CTIF: variants seen among roughly 807,000 people sequenced by gnomAD.
CTIF encodes cap binding complex dependent translation initiation factor.
Under a neutral mutation model 66.0 loss-of-function variants are expected in CTIF, and 21 were observed. The ratio of observed to expected loss-of-function variants is 0.32; its 90% confidence interval spans 0.23 to 0.46. The LOEUF is 0.46. Among genes scored for constraint, CTIF ranks in the 20% least tolerant of loss-of-function variants. CTIF has a pLI of 1.00. For missense variants in CTIF, 739 were observed against 812.7 expected (o/e 0.91, Z 1.10); for synonymous variants, 345 against 326.4 (o/e 1.06, Z -0.62).
Position 48,824,677 on chromosome 18 carries a change from G to A in CTIF, c.1527+7301G>A, listed in dbSNP as rs140928410. 4.4e-3 allele frequency among the ~76,000 whole-genome samples: 662 copies of A among 149,776 alleles called. 6 individuals carry two copies. The highest frequency in any genetic ancestry group is 0.015 in the African/African-American group (629 of 40,612). ...TCTGAGACAGAGTTTCACTCTTGTC[G>A]CCCAGGCTGGAGTGCAGTGGTGCAA... is the stretch of plus-strand genomic sequence containing the variant. On this transcript the variant is annotated intron_variant, in intron 10 of 11. Transcript: ENST00000256413.
intron 7 of CTIF, among the ~76,000 whole-genome samples, chr18:48,725,506 A>G (rs1014242023): frequency 1.3e-5 from 2 of 152,132 alleles, no homozygotes; most frequent in African/African-American, 2.4e-5. Context: ...GCAGTCAAGG[A>G]CAGCCACCTT....
chr18:48,586,245 A>G (rs752671444), intron 1 of CTIF, among the ~76,000 whole-genome samples: 1 of 151,734 alleles, frequency 6.6e-6, no homozygotes, highest in African/African-American at 2.4e-5. Flanking sequence ...TTCCCCAACA[A>G]TGGCGATCAG....
At chr18:48,840,347 C>G (rs969315079) in intron 10 of CTIF, among the ~76,000 whole-genome samples, 3 of 152,010 alleles carry the variant, frequency 2.0e-5, no homozygotes, top group African/African-American at 4.8e-5. Flanking sequence ...AGGCTAAGCC[C>G]TCATCCCCAT....
At chr18:48,784,347 A>G (rs1599037873) in intron 9 of CTIF, among the ~76,000 whole-genome samples, 2 of 152,272 alleles carry the variant, frequency 1.3e-5, no homozygotes, top group African/African-American at 4.8e-5. Context: ...GAGCATGAGC[A>G]GAGGCAAGAA....
At chr18:48,822,508 A>T (rs2068505418) in intron 10 of CTIF, among the ~76,000 whole-genome samples, 1 of 25,682 alleles carries the variant, frequency 3.9e-5, no homozygotes, top group Non-Finnish European at 8.8e-5. Flanking sequence ...CACCCCCAAC[A>T]CACACACACA....
At chr18:48,775,937 T>C (rs530134997) in intron 9 of CTIF, among the ~76,000 whole-genome samples, 30 of 152,308 alleles carry the variant, frequency 2.0e-4, no homozygotes, top group African/African-American at 6.7e-4. Context: ...GTAACCACAC[T>C]GGCCCGTTCA....
At chr18:48,815,842 AC>A (rs2068351579) in intron 9 of CTIF, among the ~76,000 whole-genome samples, 1 of 151,526 alleles carries the variant, frequency 6.6e-6, no homozygotes, top group African/African-American at 2.4e-5. Context: ...ACATTCTACA[AC>A]CTGTCTTCCC....
chr18:48,717,678 A>G (rs1210705441), intron 7 of CTIF, among the ~76,000 whole-genome samples: 1 of 152,146 alleles, frequency 6.6e-6, no homozygotes, highest in Non-Finnish European at 1.5e-5. Context: ...AATTTAAAGA[A>G]TAAGGCAGGT....
intron 7 of CTIF, among the ~76,000 whole-genome samples, chr18:48,729,582 C>T (rs1223079726): frequency 2.6e-5 from 4 of 152,160 alleles, no homozygotes; most frequent in African/African-American, 4.8e-5. Flanking sequence ...AAAGGTGATG[C>T]GATTTACTCC....
intron 9 of CTIF, among the ~76,000 whole-genome samples, chr18:48,795,882 G>A (rs570862648): frequency 1.8e-4 from 27 of 152,242 alleles, no homozygotes; most frequent in Admixed American, 1.5e-3. Flanking sequence ...TGGGAAAGCC[G>A]AGCCACCTGG....
At chr18:48,708,662 G>C (rs922733987) in intron 6 of CTIF, among the ~76,000 whole-genome samples, 2 of 152,178 alleles carry the variant, frequency 1.3e-5, no homozygotes, top group African/African-American at 4.8e-5. Context: ...AGGGTGCAAG[G>C]CTTTGTTCTG....
intron 1 of CTIF, among the ~76,000 whole-genome samples, chr18:48,548,063 T>A (rs907910840): frequency 6.6e-6 from 1 of 152,176 alleles, no homozygotes; most frequent in Non-Finnish European, 1.5e-5. Context: ...TCTGTGTGCC[T>A]CGCTAAATGA....
chr18:48,697,190 T>A (rs1469655492), intron 6 of CTIF, among the ~76,000 whole-genome samples: 2 of 152,232 alleles, frequency 1.3e-5, no homozygotes, highest in Non-Finnish European at 2.9e-5. Flanking sequence ...TAACTTTTTA[T>A]ACAACAAACA....
chr18:48,842,387 A>T (rs1054492867), intron 10 of CTIF, among the ~76,000 whole-genome samples: 12 of 152,104 alleles, frequency 7.9e-5, no homozygotes, highest in Non-Finnish European at 5.9e-5. Flanking sequence ...CATAGAACGC[A>T]GGCCTGTGGG....
At chr18:48,701,883 C>G (rs2092089465) in intron 6 of CTIF, among the ~76,000 whole-genome samples, 1 of 152,182 alleles carries the variant, frequency 6.6e-6, no homozygotes, top group Admixed American at 6.5e-5. Context: ...AGATCAGCCC[C>G]ACTGACTCCT....
chr18:48,830,822 G>A (rs1395004056), intron 10 of CTIF, among the ~76,000 whole-genome samples: 2 of 151,418 alleles, frequency 1.3e-5, no homozygotes, highest in African/African-American at 2.4e-5. Flanking sequence ...GCCTGGCTTG[G>A]AGTTTTCTTT....
Position 48,613,310 on chromosome 18 carries a change from C to G in CTIF, c.-28-6228C>G, listed in dbSNP as rs114767345. ...ACCTCCTGCCTCTGAAGGTCAGACT[C>G]AAAGTCAGACTTGGCCAGGGGTTAG... is the stretch of plus-strand genomic sequence containing the variant. On this transcript the variant is annotated intron_variant, in intron 1 of 11. Coordinates refer to ENST00000256413, the MANE Select transcript of CTIF (RefSeq NM_014772.3). Among the ~76,000 whole-genome samples the G allele has an allele frequency of 6.0e-3, 908 of 152,208 alleles. 16 individuals are homozygous for G. The highest frequency in any genetic ancestry group is 0.021 in the African/African-American group (882 of 41,512).
chr18:48,845,275 G>A (rs945398213), intron 10 of CTIF, among the ~76,000 whole-genome samples: 8 of 152,180 alleles, frequency 5.3e-5, no homozygotes, highest in African/African-American at 1.4e-4. Flanking sequence ...CCAACCCTGC[G>A]GGGCCCAGCC....
chr18:48,602,635 G>A (rs2090110641), intron 1 of CTIF, among the ~76,000 whole-genome samples: 5 of 152,126 alleles, frequency 3.3e-5, no homozygotes. Flanking sequence ...AACGTTTTTG[G>A]TGTTTCTCTC....
Sources: allele counts gnomAD v4.1 joint callset (sites outside exome capture counted in the v4.1 genomes callset), GRCh38; gene constraint gnomAD v4.1.1; transcripts MANE v1.5; gene names NCBI Gene and HGNC (gene_info 2026-07-23, HGNC 2026-07-21).